TLN2: variants seen among roughly 807,000 people sequenced by gnomAD.
TLN2 encodes the protein talin-2.
In TLN2, 118 loss-of-function variants were observed where a neutral mutation model predicts 294.7. The ratio of observed to expected loss-of-function variants is 0.40; its 90% CI spans 0.34 to 0.47. The LOEUF is 0.47. TLN2 is among the 20% of genes least tolerant of loss of function. TLN2 has a pLI of 0.84. For missense variants in TLN2, 3,083 were observed against 3,282.2 expected (o/e 0.94, Z 1.48); for synonymous variants, 1,431 against 1,304.5 (o/e 1.10, Z -2.09).
chr15:62,700,825 T>C (rs1368459134), intron 16 of TLN2, among the ~76,000 whole-genome samples: 5 of 152,194 alleles, frequency 3.3e-5, no homozygotes, highest in Admixed American at 2.6e-4. Context: ...TTTTTCTAAA[T>C]AAGGCCACGT....
intron 13 of TLN2, among the ~76,000 whole-genome samples, 154 bp from the exon 14 acceptor site, chr15:62,694,162 A>T (rs1431361632): frequency 6.6e-6 from 1 of 152,018 alleles, no homozygotes; most frequent in African/African-American, 2.4e-5. Context: ...TTTTTATTAG[A>T]GACGGGGTCT....
Position 62,766,395 on chromosome 15 carries a change from G to T in TLN2, c.5169G>T (p.Arg1723=), listed in dbSNP as rs140291112. The T allele has an allele frequency of 6.2e-7, 1 of 1,612,056 alleles. No homozygotes were observed. The highest frequency in any genetic ancestry group is 8.5e-7 in the Non-Finnish European group (1 of 1,178,290). The change falls in exon 41 of 59, where the codon CGG becomes CGT. Residue 1723 remains arginine, a synonymous_variant. Transcript: ENST00000636159. ...HLIDPIATAA[R]GEAAQLGHKV... ...TCGATCCCATCGCCACAGCGGCTCG[G>T]GGAGAAGCAGCTCAGCTGGGACATA... is the stretch of plus-strand genomic sequence containing the variant.
At chr15:62,526,034 GTGGT>G (rs1454024905) in intron 1 of TLN2, among the ~76,000 whole-genome samples, 1 of 152,160 alleles carries the variant, frequency 6.6e-6, no homozygotes, top group Non-Finnish European at 1.5e-5. Flanking sequence ...AGGCAATGAT[GTGGT>G]TGGTCATGTA....
chr15:62,551,080 A>G (rs1043267175), intron 1 of TLN2, among the ~76,000 whole-genome samples: 3 of 152,154 alleles, frequency 2.0e-5, no homozygotes, highest in Non-Finnish European at 2.9e-5. Context: ...TAAGGAGTGC[A>G]CAGCCTAGGT....
chr15:62,698,957 TC>T, intron 16 of TLN2, 90 bp downstream of exon 16: 1 of 1,254,742 alleles, frequency 8.0e-7, no homozygotes, highest in Admixed American at 2.0e-5. Flanking sequence ...TAGGTAAATT[TC>T]TATCTCTAGG....
chr15:62,819,409 C>T, intron 52 of TLN2, 107 bp from the exon 53 acceptor site: 1 of 926,968 alleles, frequency 1.1e-6, no homozygotes, highest in Non-Finnish European at 1.7e-6. Flanking sequence ...AGAGATGCAA[C>T]TTAAAACCAG....
intron 1 of TLN2, among the ~76,000 whole-genome samples, chr15:62,472,790 G>C (rs1412752921): frequency 6.6e-6 from 1 of 152,168 alleles, no homozygotes; most frequent in African/African-American, 2.4e-5. Context: ...TCCGACCGAC[G>C]GATGACTTGA....
chr15:62,576,672 C>CT (rs2044444294), intron 1 of TLN2, among the ~76,000 whole-genome samples: 1 of 136,522 alleles, frequency 7.3e-6, no homozygotes, highest in African/African-American at 2.7e-5. Context: ...CCCCCCCCGC[C>CT]CCCCACATAA....
At chr15:62,398,794 A>T (rs1373920359) in intron 1 of TLN2, among the ~76,000 whole-genome samples, 1 of 152,206 alleles carries the variant, frequency 6.6e-6, no homozygotes, top group Non-Finnish European at 1.5e-5. Flanking sequence ...AGCATTTAGG[A>T]GGTGACAGAG....
intron 1 of TLN2, among the ~76,000 whole-genome samples, chr15:62,566,357 C>T (rs2043392837): frequency 6.6e-6 from 1 of 151,954 alleles, no homozygotes; most frequent in South Asian, 2.1e-4. Flanking sequence ...TGACTCAGAA[C>T]AGATTAAAAA....
intron 52 of TLN2, among the ~76,000 whole-genome samples, chr15:62,816,490 T>G (rs2067127484): frequency 6.6e-6 from 1 of 152,204 alleles, no homozygotes. Context: ...GAACTCCTCT[T>G]CTCCTCCGTT....
chr15:62,787,112 TCTCAACCTCCTGGA>T (rs1339960113), intron 45 of TLN2, among the ~76,000 whole-genome samples: 2 of 152,004 alleles, frequency 1.3e-5, no homozygotes, highest in African/African-American at 4.8e-5. Context: ...CCCAGGCTGG[TCTCAACCTCCTGGA>T]CTCAAGCCAT....
intron 14 of TLN2, among the ~76,000 whole-genome samples, chr15:62,695,651 A>G (rs534556658): frequency 2.0e-5 from 3 of 152,214 alleles, no homozygotes; most frequent in Non-Finnish European, 2.9e-5. Context: ...GTTTCTCACA[A>G]TTTGCTTCCT....
intron 12 of TLN2, 68 bp downstream of exon 12, chr15:62,686,864 A>G: frequency 1.3e-6 from 2 of 1,576,584 alleles, no homozygotes; most frequent in Non-Finnish European, 1.7e-6. Context: ...GACAGGAGAA[A>G]GACCAGATTC....
intron 1 of TLN2, among the ~76,000 whole-genome samples, chr15:62,509,821 C>G (rs1428950010): frequency 6.6e-6 from 1 of 152,218 alleles, no homozygotes; most frequent in African/African-American, 2.4e-5. Context: ...CTCCCTCCCT[C>G]CGCTCTGCCT....
intron 43 of TLN2, among the ~76,000 whole-genome samples, chr15:62,780,159 A>G (rs1414345868): frequency 1.3e-5 from 2 of 152,200 alleles, no homozygotes; most frequent in Non-Finnish European, 2.9e-5. Context: ...TCAGGTCAGG[A>G]TGACCTCACT....
chr15:62,725,252 C>A, intron 27 of TLN2, 148 bp downstream of exon 27: 1 of 1,236,278 alleles, frequency 8.1e-7, no homozygotes, highest in Non-Finnish European at 1.1e-6. Context: ...CCCAGGGCAG[C>A]TGGAGGAACT....
At chr15:62,794,137 G>A (rs886877358) in intron 46 of TLN2, among the ~76,000 whole-genome samples, 1 of 152,198 alleles carries the variant, frequency 6.6e-6, no homozygotes, top group Non-Finnish European at 1.5e-5. Flanking sequence ...GCTACATAGT[G>A]TTTGTAGGCA....
At chr15:62,672,116 T>G (rs2055506336) in intron 9 of TLN2, among the ~76,000 whole-genome samples, 1 of 152,222 alleles carries the variant, frequency 6.6e-6, no homozygotes. Flanking sequence ...TTATAGCCGT[T>G]GAAATGTGCT....
Sources: allele counts gnomAD v4.1 joint callset (sites outside exome capture counted in the v4.1 genomes callset), GRCh38; gene constraint gnomAD v4.1.1; transcripts MANE v1.5; gene names NCBI Gene and HGNC (gene_info 2026-07-23, HGNC 2026-07-21).